The following LRRC28 variants were observed in gnomAD, a reference collection of about 807,000 sequenced individuals.
LRRC28 encodes the protein leucine-rich repeat-containing protein 28.
LRRC28 carries 39 observed loss-of-function variants against 45.7 expected under a neutral mutation model. That is an observed-to-expected ratio of 0.85 (90% CI 0.66 to 1.12). The LOEUF is 1.12. Ranked by LOEUF, LRRC28 falls within the 50% of genes most tolerant of loss-of-function variation. The probability of loss-of-function intolerance (pLI) is 0.00; values close to 1 mark genes in which losing one functional copy is unlikely to be tolerated. For synonymous variants in LRRC28, 206 were observed against 178.8 expected (o/e 1.15, Z -1.22); for missense variants, 435 against 438.5 (o/e 0.99, Z 0.07).
chr15:99,370,667 T>G (rs912428807), intron 9 of LRRC28, among the ~76,000 whole-genome samples: 1 of 152,196 alleles, frequency 6.6e-6, no homozygotes, highest in Admixed American at 6.5e-5. Flanking sequence ...AAGGAAAGAT[T>G]GTTATGGCAA....
chr15:99,251,845 T>A (rs2080807431), intron 1 of LRRC28: 1 of 152,252 alleles, frequency 6.6e-6, no homozygotes, highest in African/African-American at 2.4e-5. Context: ...GCGTGTGTTT[T>A]GCCTAAGACT....
chr15:99,311,637 T>G (rs1452291653), intron 5 of LRRC28, among the ~76,000 whole-genome samples: 2 of 152,226 alleles, frequency 1.3e-5, no homozygotes, highest in Non-Finnish European at 2.9e-5. Context: ...TTTTTGTGGT[T>G]GTTTGTAATT....
At chr15:99,340,859 C>G (rs1382323242) in intron 6 of LRRC28, among the ~76,000 whole-genome samples, 1 of 152,046 alleles carries the variant, frequency 6.6e-6, no homozygotes, top group Non-Finnish European at 1.5e-5. Flanking sequence ...GTCTTGAAAA[C>G]AAGGTTCAAA....
At chr15:99,256,705 G>T (rs1036386631) in intron 2 of LRRC28, among the ~76,000 whole-genome samples, 4 of 152,184 alleles carry the variant, frequency 2.6e-5, no homozygotes, top group African/African-American at 7.2e-5. Context: ...TGCCACAAAG[G>T]CAACATTTAA....
intron 5 of LRRC28, among the ~76,000 whole-genome samples, 177 bp downstream of exon 5, chr15:99,288,128 A>G (rs117241691): frequency 2.6e-5 from 4 of 152,330 alleles, no homozygotes; most frequent in Non-Finnish European, 5.9e-5. Flanking sequence ...TGTGATGCAA[A>G]TGTAAGAAGG....
chr15:99,382,025 C>T (rs529870442), intron 9 of LRRC28, among the ~76,000 whole-genome samples: 1 of 152,354 alleles, frequency 6.6e-6, no homozygotes, highest in Admixed American at 6.5e-5. Flanking sequence ...ATCTCAAACT[C>T]CGTGCTGGGA....
intron 2 of LRRC28, among the ~76,000 whole-genome samples, chr15:99,264,727 C>T (rs921409953): frequency 6.6e-6 from 1 of 152,058 alleles, no homozygotes; most frequent in African/African-American, 2.4e-5. Flanking sequence ...TTCTATTCTT[C>T]CCTTTTCTTT....
intron 5 of LRRC28, chr15:99,317,346 A>G (rs895016895): frequency 2.0e-5 from 3 of 152,206 alleles, no homozygotes; most frequent in African/African-American, 7.2e-5. Context: ...GGCCAAATGT[A>G]TGGGAACCTG....
chr15:99,257,747 A>G (rs900310922), intron 2 of LRRC28: 9 of 773,402 alleles, frequency 1.2e-5, no homozygotes, highest in African/African-American at 3.4e-5. Context: ...GTAAAAGTAG[A>G]CAAGGCTCAA....
chr15:99,364,134 C>T (rs1319314495), intron 9 of LRRC28, among the ~76,000 whole-genome samples: 5 of 152,094 alleles, frequency 3.3e-5, no homozygotes, highest in Admixed American at 2.0e-4. Flanking sequence ...GCAAGATAGG[C>T]AATATGGGGC....
At chr15:99,276,709 T>C in intron 3 of LRRC28, 93 bp downstream of exon 3, 1 of 1,032,726 alleles carries the variant, frequency 9.7e-7, no homozygotes, top group Non-Finnish European at 1.3e-6. Flanking sequence ...ATGTATTAAT[T>C]TGTTATTTTT....
At chr15:99,379,977 T>G (rs573924179) in intron 9 of LRRC28, among the ~76,000 whole-genome samples, 8 of 152,284 alleles carry the variant, frequency 5.3e-5, no homozygotes, top group Admixed American at 2.6e-4. Flanking sequence ...GGTCAATTTT[T>G]GAATAAGTGT....
At chr15:99,262,177 C>T (rs560295600) in intron 2 of LRRC28, among the ~76,000 whole-genome samples, 41 of 152,234 alleles carry the variant, frequency 2.7e-4, no homozygotes, top group African/African-American at 9.4e-4. Context: ...ATTCCACTAA[C>T]CTCTAGGCCA....
At chr15:99,365,099 T>A (rs1050026851) in intron 9 of LRRC28, among the ~76,000 whole-genome samples, 1 of 152,220 alleles carries the variant, frequency 6.6e-6, no homozygotes, top group Admixed American at 6.5e-5. Context: ...TAAACTTTTT[T>A]AATCTTGGCA....
chr15:99,255,865 T>TA lies in LRRC28; in HGVS notation c.-60-32dup, dbSNP rs147653511. On this transcript the variant is annotated intron_variant, in intron 1 of 9. Transcript: ENST00000301981. ...ATATGGCAATTCTTGTAAAAAATCT[T>TA]ACAATGAATAAATTTTCTCGTTCTC... 1.9e-3 allele frequency: 2,613 copies of TA among 1,399,916 alleles called. 52 individuals are homozygous for TA. In the African/African-American group the frequency reaches 0.033, roughly 18 times the overall value. The allele number at this position is 1,399,916 out of a possible 1,614,324, so 86.7% of individuals were successfully genotyped here. A position where few individuals can be genotyped will look rare whatever the true frequency, so the allele number is the denominator to read the frequency against.
intron 5 of LRRC28, among the ~76,000 whole-genome samples, chr15:99,305,435 TTTTA>T (rs1354939346): frequency 5.3e-5 from 8 of 152,234 alleles, no homozygotes; most frequent in Admixed American, 1.3e-4. Flanking sequence ...TCATTTAATT[TTTTA>T]TTTTACAGAA....
At chr15:99,295,598 G>C (rs558650479) in intron 5 of LRRC28, among the ~76,000 whole-genome samples, 5 of 152,246 alleles carry the variant, frequency 3.3e-5, no homozygotes, top group African/African-American at 1.2e-4. Context: ...CATGAGAGAA[G>C]GTTATAGTAA....
intron 6 of LRRC28, among the ~76,000 whole-genome samples, chr15:99,336,573 ATC>A (rs879091004): frequency 2.0e-5 from 3 of 151,962 alleles, no homozygotes; most frequent in African/African-American, 7.3e-5. Context: ...GCCTCATTCA[ATC>A]TCTCTCTCTA....
chr15:99,292,529 T>TA (rs1420272383), intron 5 of LRRC28, among the ~76,000 whole-genome samples: 3 of 150,244 alleles, frequency 2.0e-5, no homozygotes, highest in Non-Finnish European at 4.4e-5. Context: ...CGCGCCCGGC[T>TA]AATTTTTTGT....
Sources: gnomAD v4.1 joint callset for allele counts (sites outside exome capture counted in the v4.1 genomes callset) on GRCh38, gnomAD v4.1.1 for gene constraint, MANE v1.5 for transcripts, NCBI Gene and HGNC (gene_info 2026-07-23, HGNC 2026-07-21) for gene names.